The following PCDHGA9 variants were observed in gnomAD, a reference collection of about 807,000 sequenced individuals.
PCDHGA9 encodes the protein protocadherin gamma-A9.
Under a neutral mutation model 62.5 loss-of-function variants are expected in PCDHGA9, and 37 were observed. The observed-to-expected ratio is 0.59, with a 90% CI of 0.46 to 0.78. PCDHGA9 has a LOEUF of 0.78. Among genes scored for constraint, PCDHGA9 ranks in the 30% least tolerant of loss-of-function variants. The pLI, the probability that PCDHGA9 is intolerant of heterozygous loss-of-function variation, is 0.00. For missense variants in PCDHGA9, 1,138 were observed against 1,166.2 expected, an observed-to-expected ratio of 0.98 and a Z score of 0.35; for synonymous variants, 459 against 484.6, an observed-to-expected ratio of 0.95 and a Z score of 0.69.
chr5:141,405,103 G>T lies in PCDHGA9; in HGVS notation c.2151G>T (p.Arg717Ser), dbSNP rs368202826. ...TCACGCTGCTGGCCCTCAGGCTGAGGCACTGGCACTCCTCGCATCTGCTGC... is the reference window on the plus strand; with the variant it reads ...TCACGCTGCTGGCCCTCAGGCTGAGTCACTGGCACTCCTCGCATCTGCTGC... ...FVITLLALRL[R>S]HWHSSHLLRA... is the part of the protein sequence containing the mutation. The change falls in exon 1 of 4, where the codon AGG (arginine) becomes AGT (serine). Residue 717 changes from arginine to serine, a missense_variant. Coordinates refer to ENST00000573521, the MANE Select transcript of PCDHGA9 (RefSeq NM_018921.3). The T allele has an allele frequency of 3.1e-6, 5 of 1,613,804 alleles. No homozygotes were observed. The highest frequency in any genetic ancestry group is 4.2e-6 in the Non-Finnish European group (5 of 1,179,840).
intron 1 of PCDHGA9, chr5:141,418,385 G>A (rs759618059): frequency 8.7e-6 from 14 of 1,613,930 alleles, no homozygotes; most frequent in Admixed American, 1.7e-5. Flanking sequence ...AAGTCCTAAC[G>A]AGTATTTCTC....
At chr5:141,407,978 A>T (rs1354199341) in intron 1 of PCDHGA9, 8 of 743,974 alleles carry the variant, frequency 1.1e-5, no homozygotes, top group Non-Finnish European at 1.4e-5. Flanking sequence ...GACGCCGGGG[A>T]TCCGTCAGCC....
Position 141,491,665 on chromosome 5 carries a change from C to G in PCDHGA9, c.2425-3142C>G. The stretch of plus-strand genomic sequence containing the variant: ...TCTGGCGCTGGAGCCTGACGCCATC[C>G]GGTCCCGCTCTAATACGCTGCGGGA... On this transcript the variant is annotated intron_variant, in intron 1 of 3. Transcript: ENST00000573521. This position sits in a 1 kb window ranked among gnomAD's most constrained non-coding sequence, Gnocchi z 6.9. 1 of 1,613,764 alleles carries G rather than the reference C, an allele frequency of 6.2e-7. No homozygotes were observed. Among genetic ancestry groups the G allele is most frequent in the Non-Finnish European group, 8.5e-7 (1 of 1,180,000 alleles).
chr5:141,408,133 T>A, intron 1 of PCDHGA9: 5 of 1,483,848 alleles, frequency 3.4e-6, no homozygotes, highest in Non-Finnish European at 4.5e-6. Context: ...GGCCGAATGC[T>A]CTTTTAGCGC....
intron 1 of PCDHGA9, among the ~76,000 whole-genome samples, chr5:141,482,435 A>G (rs2099559555): frequency 6.6e-6 from 1 of 150,568 alleles, no homozygotes; most frequent in South Asian, 2.1e-4. Flanking sequence ...GATAATACTG[A>G]TATTCACCAT....
intron 1 of PCDHGA9, chr5:141,414,950 TGACCAA>T (rs778670321): frequency 6.2e-7 from 1 of 1,614,030 alleles, no homozygotes; most frequent in South Asian, 1.1e-5. Context: ...GGCTACCTGG[TGACCAA>T]GGTGGTGGCG....
rs767580455 is a variant in PCDHGA9 at position 141,402,948 on chromosome 5, C to G, written c.-5C>G. The G allele has an allele frequency of 7.5e-6, 12 of 1,592,864 alleles. No individual in the cohort carries two copies. In the African/African-American group the frequency reaches 1.2e-4, roughly 16 times the overall value. On this transcript the variant is annotated 5_prime_UTR_variant, in exon 1 of 4. Transcript: ENST00000573521. ...CTTTTGAGAAAATTCCAAAGCGAGG[C>G]AGCAATGGCAGCTCCAACCAAATGC... is the stretch of plus-strand genomic sequence containing the variant.
Position 141,486,989 on chromosome 5 carries a change from G to A in PCDHGA9, c.2425-7818G>A. 1.9e-6 allele frequency: 3 copies of A among 1,614,168 alleles called. No individual in the cohort carries two copies. Among genetic ancestry groups the A allele is most frequent in the Non-Finnish European group, 2.5e-6 (3 of 1,180,034 alleles). On this transcript the variant is annotated intron_variant, in intron 1 of 3. Transcript: ENST00000573521. This position sits in a 1 kb window ranked among gnomAD's most constrained non-coding sequence, Gnocchi z 5.0. ...CTTGGATTCAGGTTACAATGCTTGG[G>A]TTTCCTATCAGCTCCTGGAGGCCCC...
Position 141,433,020 on chromosome 5 carries a change from C to T in PCDHGA9, c.2424+27644C>T, listed in dbSNP as rs761127608. 1.1e-5 allele frequency: 17 copies of T among 1,614,152 alleles called. No individual in the cohort carries two copies. The South Asian group carries it at 1.9e-4, about 18-fold the overall frequency. On this transcript the variant is annotated intron_variant, in intron 1 of 3. Coordinates refer to ENST00000573521, the MANE Select transcript of PCDHGA9 (RefSeq NM_018921.3). ...GTGCAGGCTTTCCTGCAGACCTATTCCCACGAGGTTTCCCTCACCACGGAC... is the reference window on the plus strand; with the variant it reads ...GTGCAGGCTTTCCTGCAGACCTATTTCCACGAGGTTTCCCTCACCACGGAC...
intron 1 of PCDHGA9, chr5:141,421,732 C>T: frequency 6.2e-7 from 1 of 1,613,934 alleles, no homozygotes; most frequent in Non-Finnish European, 8.5e-7. Flanking sequence ...GAACTCCCTC[C>T]AGAGCTACCA....
At chr5:141,478,862 C>T (rs1057119202) in intron 1 of PCDHGA9, 23 of 1,325,916 alleles carry the variant, frequency 1.7e-5, no homozygotes, top group Non-Finnish European at 2.2e-5. Flanking sequence ...AAGATCTCAG[C>T]GATCAGAGTT....
At chr5:141,467,431 C>T (rs1452587540) in intron 1 of PCDHGA9, among the ~76,000 whole-genome samples, 1 of 152,170 alleles carries the variant, frequency 6.6e-6, no homozygotes, top group African/African-American at 2.4e-5. Flanking sequence ...GTTATAGAAA[C>T]ATTCATTACT....
At chr5:141,500,619 G>A (rs1230172485) in intron 2 of PCDHGA9, among the ~76,000 whole-genome samples, 1 of 152,072 alleles carries the variant, frequency 6.6e-6, no homozygotes, top group East Asian at 1.9e-4. Context: ...CCAGTCATAC[G>A]GTACATTTCC....
At chr5:141,421,423 C>T in intron 1 of PCDHGA9, 1 of 1,614,052 alleles carries the variant, frequency 6.2e-7, no homozygotes, top group Non-Finnish European at 8.5e-7. Context: ...GCGCGGAGTC[C>T]GCATCGTCTC....
chr5:141,425,794 G>A (rs915736198), intron 1 of PCDHGA9, among the ~76,000 whole-genome samples: 23 of 152,074 alleles, frequency 1.5e-4, no homozygotes, highest in Non-Finnish European at 2.2e-4. Context: ...CTTCCAATAT[G>A]TGCATTGCTT....
chr5:141,450,556 G>A lies in PCDHGA9; in HGVS notation c.2425-44251G>A, dbSNP rs534127421. Among the ~76,000 whole-genome samples, 5 of 151,822 alleles carry A rather than the reference G, an allele frequency of 3.3e-5. 1 individual carries two copies. Among genetic ancestry groups the A allele is most frequent in the South Asian group, 2.1e-4 (1 of 4,804 alleles). On this transcript the variant is annotated intron_variant, in intron 1 of 3. Transcript: ENST00000573521. ...GGCTGGAATGCAGTGGCGCAGTCTCGGCTCACTGCAACTTCTGCCTCCCAG... is the reference window on the plus strand; with the variant it reads ...GGCTGGAATGCAGTGGCGCAGTCTCAGCTCACTGCAACTTCTGCCTCCCAG...
intron 1 of PCDHGA9, among the ~76,000 whole-genome samples, chr5:141,448,831 G>C (rs985602153): frequency 4.6e-5 from 7 of 152,096 alleles, no homozygotes; most frequent in Non-Finnish European, 7.4e-5. Flanking sequence ...TGTAGTCCCA[G>C]CTACTCTGGA....
chr5:141,481,065 AAAAG>A (rs1476331686), intron 1 of PCDHGA9, among the ~76,000 whole-genome samples: 1 of 152,164 alleles, frequency 6.6e-6, no homozygotes, highest in Non-Finnish European at 1.5e-5. Flanking sequence ...CTCAAAAACA[AAAAG>A]AAAGAAAGAA....
chr5:141,487,312 TAA>T lies in PCDHGA9; in HGVS notation c.2425-7494_2425-7493del, dbSNP rs1464336630. ...TTGGCTCATTCGTGGCACTACTCTC[TAA>T]GTGTCTTCGTGGGGCAGCCTGTGGA... On this transcript the variant is annotated intron_variant, in intron 1 of 3. Transcript: ENST00000573521. The surrounding 1 kb of genome is among the most constrained non-coding windows in gnomAD (Gnocchi z 5.0). 1 of 1,614,158 alleles carries T rather than the reference TAA, an allele frequency of 6.2e-7. No homozygotes were observed. Among genetic ancestry groups the T allele is most frequent in the African/African-American group, 1.3e-5 (1 of 75,056 alleles).
Sources: allele counts gnomAD v4.1 joint callset (sites outside exome capture counted in the v4.1 genomes callset), GRCh38; gene constraint gnomAD v4.1.1; non-coding constraint Gnocchi (gnomAD v3.1); transcripts MANE v1.5; gene names NCBI Gene and HGNC (gene_info 2026-07-23, HGNC 2026-07-21).